TAFA2: variants seen among roughly 807,000 people sequenced by gnomAD.
TAFA2 encodes chemokine-like protein TAFA-2.
TAFA2 carries 7 observed loss-of-function variants against 18.8 expected under a neutral mutation model. The observed-to-expected ratio is 0.37, with a 90% confidence interval of 0.21 to 0.70. TAFA2 has a LOEUF of 0.70. Among genes scored for constraint, TAFA2 ranks in the 30% least tolerant of loss-of-function variants. The probability of loss-of-function intolerance (pLI) is 0.53; values close to 1 mark genes in which losing one functional copy is unlikely to be tolerated. For synonymous variants in TAFA2, 60 were observed against 54.2 expected (o/e 1.11, Z -0.47); for missense variants, 122 against 158.1 (o/e 0.77, Z 1.23).
At chr12:61,781,264 T>G (rs1047619832) in intron 2 of TAFA2, among the ~76,000 whole-genome samples, 8 of 151,526 alleles carry the variant, frequency 5.3e-5, no homozygotes, top group African/African-American at 1.9e-4. Context: ...TGGAGGAGAA[T>G]AAAAGGCAGG....
chr12:62,221,042 T>C (rs2062758475), intron 1 of TAFA2, among the ~76,000 whole-genome samples: 1 of 151,582 alleles, frequency 6.6e-6, no homozygotes, highest in Admixed American at 6.6e-5. Flanking sequence ...AGGCGGAGCT[T>C]GCAGTGAGCC....
At chr12:61,955,600 C>CAAAAA (rs869189343) in intron 1 of TAFA2, among the ~76,000 whole-genome samples, 1 of 38,944 alleles carries the variant, frequency 2.6e-5, no homozygotes, top group African/African-American at 1.3e-4. Flanking sequence ...GACTCCATCT[C>CAAAAA]AAAAAAAAAA....
intron 1 of TAFA2, among the ~76,000 whole-genome samples, chr12:62,218,001 T>C (rs2062743654): frequency 7.3e-6 from 1 of 137,412 alleles, no homozygotes. Context: ...TATTTATTTA[T>C]TTATTTATTT....
intron 1 of TAFA2, among the ~76,000 whole-genome samples, chr12:62,226,326 T>C (rs182167284): frequency 2.7e-3 from 413 of 152,158 alleles, no homozygotes; most frequent in African/African-American, 9.2e-3. Flanking sequence ...CCCCAGTAGC[T>C]GGGACTACAG....
chr12:62,122,185 A>G (rs1870227098), intron 1 of TAFA2, among the ~76,000 whole-genome samples: 1 of 152,194 alleles, frequency 6.6e-6, no homozygotes, highest in Non-Finnish European at 1.5e-5. Context: ...AAGTTTACCT[A>G]TGTAAAAAAC....
chr12:61,966,361 T>C (rs1023277558), intron 1 of TAFA2, among the ~76,000 whole-genome samples: 2 of 151,858 alleles, frequency 1.3e-5, no homozygotes, highest in African/African-American at 4.8e-5. Flanking sequence ...GGAACACTGG[T>C]GGAAGAGAAA....
At chr12:62,194,009 C>CTAGTAGTATACAGCAATCATTT (rs2062638074), upstream of TAFA2, among the ~76,000 whole-genome samples, 2 of 152,288 alleles carry the variant, frequency 1.3e-5, no homozygotes, top group Non-Finnish European at 2.9e-5. Context: ...TTGACTTTGT[C>CTAGTAGTATACAGCAATCATTT]TAGTAGTATA....
At chr12:61,817,045 C>T (rs1306898514) in intron 2 of TAFA2, among the ~76,000 whole-genome samples, 5 of 151,170 alleles carry the variant, frequency 3.3e-5, no homozygotes, top group African/African-American at 4.9e-5. Context: ...TTCCATAGCT[C>T]GCAGTCTATT....
chr12:61,966,922 AC>A (rs1565699200), intron 1 of TAFA2, among the ~76,000 whole-genome samples: 1 of 151,898 alleles, frequency 6.6e-6, no homozygotes, highest in African/African-American at 2.4e-5. Flanking sequence ...TGAAACGGTC[AC>A]TTTTCTATAT....
chr12:61,877,850 C>T (rs189371543), intron 1 of TAFA2, among the ~76,000 whole-genome samples: 186 of 151,156 alleles, frequency 1.2e-3, no homozygotes, highest in African/African-American at 4.1e-3. Flanking sequence ...AGACTTATTA[C>T]CAAATCATAC....
intron 1 of TAFA2, among the ~76,000 whole-genome samples, chr12:62,026,695 G>A (rs540255062): frequency 3.2e-4 from 48 of 152,084 alleles, no homozygotes; most frequent in Non-Finnish European, 5.7e-4. Flanking sequence ...TTTATTCTTT[G>A]TATCTTCTAT....
intron 1 of TAFA2, among the ~76,000 whole-genome samples, chr12:62,054,216 T>C (rs993385284): frequency 6.6e-6 from 1 of 152,238 alleles, no homozygotes; most frequent in Non-Finnish European, 1.5e-5. Flanking sequence ...ACAGATTCTA[T>C]GGTTAGCAAC....
At chr12:61,988,787 G>A (rs1344617340) in intron 1 of TAFA2, among the ~76,000 whole-genome samples, 1 of 152,122 alleles carries the variant, frequency 6.6e-6, no homozygotes, top group African/African-American at 2.4e-5. Context: ...GAGGCTGTCT[G>A]TGCAAGCTTG....
At chr12:62,201,886 G>A (rs796980339) in intron 1 of TAFA2, among the ~76,000 whole-genome samples, 4 of 152,234 alleles carry the variant, frequency 2.6e-5, no homozygotes, top group African/African-American at 9.6e-5. Context: ...TTTTTGGTTG[G>A]TAGGCTATTT....
chr12:61,874,045 G>A (rs1874736100), intron 1 of TAFA2, among the ~76,000 whole-genome samples: 1 of 152,030 alleles, frequency 6.6e-6, no homozygotes, highest in Admixed American at 6.5e-5. Context: ...AATTACTACA[G>A]TTTTTCTTTT....
chr12:61,989,518 C>A (rs1879928134), intron 1 of TAFA2, among the ~76,000 whole-genome samples: 2 of 152,118 alleles, frequency 1.3e-5, no homozygotes, highest in African/African-American at 2.4e-5. Context: ...CCTTACCAAA[C>A]CTCTCAGCAC....
intron 4 of TAFA2, among the ~76,000 whole-genome samples, chr12:61,737,896 C>G (rs1868330175): frequency 6.6e-6 from 1 of 151,934 alleles, no homozygotes; most frequent in African/African-American, 2.4e-5. Flanking sequence ...AAAGCTTGCT[C>G]TATTTTTGAG....
At chr12:61,884,651 T>A (rs1875293064) in intron 1 of TAFA2, among the ~76,000 whole-genome samples, 1 of 152,116 alleles carries the variant, frequency 6.6e-6, no homozygotes, top group Non-Finnish European at 1.5e-5. Flanking sequence ...AGAAAGACCT[T>A]CACTATACAT....
At chr12:62,195,904 TTC>T (rs1172639702), upstream of TAFA2, among the ~76,000 whole-genome samples, 2 of 152,222 alleles carry the variant, frequency 1.3e-5, no homozygotes, top group Non-Finnish European at 2.9e-5. Flanking sequence ...AGGCACTGAC[TTC>T]TCTCTAGCTG....
Sources: allele counts gnomAD v4.1 joint callset (sites outside exome capture counted in the v4.1 genomes callset), GRCh38; gene constraint gnomAD v4.1.1; transcripts MANE v1.5; gene names NCBI Gene and HGNC (gene_info 2026-07-23, HGNC 2026-07-21).